KHDC1: variants seen among roughly 807,000 people sequenced by gnomAD.
KHDC1 encodes the protein KH homology domain-containing protein 1.
Under a neutral mutation model 24.7 loss-of-function variants are expected in KHDC1, and 21 were observed. The observed-to-expected ratio is 0.85, with a 90% CI of 0.60 to 1.23. The LOEUF (loss-of-function observed/expected upper bound fraction) is 1.23, where lower values mean the gene tolerates loss of function less well. Among genes scored for constraint, KHDC1 ranks in the 50% most tolerant of loss-of-function variants. KHDC1 has a pLI of 0.00. For missense variants in KHDC1, 274 were observed against 298.5 expected (o/e 0.92, Z 0.61); for synonymous variants, 98 against 111.7 (o/e 0.88, Z 0.77).
intron 2 of KHDC1, among the ~76,000 whole-genome samples, chr6:73,289,631 C>A (rs2150718998): frequency 6.6e-6 from 1 of 151,766 alleles, no homozygotes; most frequent in Middle Eastern, 3.4e-3. Flanking sequence ...GCCTGGGTGA[C>A]AGAGTAAGAC....
rs1473781609 is a variant in KHDC1, at chr6:73,290,642, G to A, written c.206+1356C>T. 1.0e-5 allele frequency: 5 copies of A among 499,248 alleles called. No individual in the cohort carries two copies. The East Asian group carries it at 2.2e-4, about 22-fold the overall frequency. The allele number at this position is 499,248 out of a possible 1,614,324, so 30.9% of individuals were successfully genotyped here. On this transcript the variant is annotated intron_variant, in intron 2 of 4. Transcript: ENST00000370384. The stretch of plus-strand genomic sequence containing the variant: ...AAACCCTGCTGATGTGTCATATCCT[G>A]CAGGAATACTAGCTAGTGGGCTGTG...
intron 2 of KHDC1, among the ~76,000 whole-genome samples, chr6:73,258,706 C>T (rs1766925844): frequency 6.6e-6 from 1 of 152,204 alleles, no homozygotes; most frequent in Non-Finnish European, 1.5e-5. Flanking sequence ...ATTCAAAAAG[C>T]ACTTCTGTGT....
At chr6:73,273,543 G>A (rs559379903) in intron 2 of KHDC1, among the ~76,000 whole-genome samples, 4 of 151,812 alleles carry the variant, frequency 2.6e-5, no homozygotes, top group South Asian at 2.1e-4. Flanking sequence ...CGGGCCGGGC[G>A]CAGTGGCTCA....
chr6:73,249,137 C>T (rs1172235701), intron 2 of KHDC1, among the ~76,000 whole-genome samples: 1 of 151,950 alleles, frequency 6.6e-6, no homozygotes, highest in East Asian at 1.9e-4. Flanking sequence ...TGTGTTAAAG[C>T]TTAAAAAATA....
chr6:73,290,689 G>T, intron 2 of KHDC1: 1 of 454,062 alleles, frequency 2.2e-6, no homozygotes, highest in South Asian at 1.7e-5. Flanking sequence ...TGCTGCTGCT[G>T]GAGCCACATG....
At chr6:73,274,185 C>T (rs1767236033) in intron 2 of KHDC1, 1 of 152,146 alleles carries the variant, frequency 6.6e-6, no homozygotes, top group Admixed American at 6.6e-5. Flanking sequence ...ATTAACATAA[C>T]ATTACATTTT....
intron 2 of KHDC1, among the ~76,000 whole-genome samples, chr6:73,245,601 A>G (rs1766650945): frequency 6.6e-6 from 1 of 152,234 alleles, no homozygotes; most frequent in Admixed American, 6.5e-5. Context: ...ATGGAAGTTC[A>G]AGTCTTGGAG....
intron 2 of KHDC1, among the ~76,000 whole-genome samples, chr6:73,286,282 A>T (rs1190632680): frequency 1.3e-5 from 2 of 152,170 alleles, no homozygotes; most frequent in African/African-American, 4.8e-5. Flanking sequence ...GTCTCTATAT[A>T]GTTTACATAA....
rs762613619 is a variant in KHDC1 at position 73,241,717 on chromosome 6, G to T, written c.526C>A (p.Leu176Met). Residue 176 changes from leucine to methionine, a missense_variant, in exon 5 of 5, where the codon CTG (leucine) becomes ATG (methionine). By Grantham distance (15) the Leu-to-Met change is conservative. Transcript: ENST00000370384. ...AGAGGCTGGCTTCGGACACGTTCCA[G>T]CATCTCCAGGCCTGCAAAATAAGTG... The T allele has an allele frequency of 5.6e-6, 9 of 1,614,016 alleles. No homozygotes were observed. Among genetic ancestry groups the T allele is most frequent in the Admixed American group, 1.7e-5 (1 of 60,004 alleles).
chr6:73,248,512 T>C lies in KHDC1; in HGVS notation c.207-5982A>G, dbSNP rs142930503. Among the ~76,000 whole-genome samples the C allele has an allele frequency of 2.4e-4, 37 of 152,152 alleles. 1 individual carries two copies. In the East Asian group the frequency reaches 7.0e-3, roughly 29 times the overall value. On this transcript the variant is annotated intron_variant, in intron 2 of 4. Coordinates refer to ENST00000370384, the Ensembl canonical transcript of KHDC1. ...CTTTTCTCAGAGGAAAGACTTAGGGTGAAGTAAACAGAAAGATTTCTTTTT... is the reference window on the plus strand; with the variant it reads ...CTTTTCTCAGAGGAAAGACTTAGGGCGAAGTAAACAGAAAGATTTCTTTTT...
At chr6:73,264,058 G>A (rs1042585502) in intron 2 of KHDC1, among the ~76,000 whole-genome samples, 1 of 152,078 alleles carries the variant, frequency 6.6e-6, no homozygotes, top group African/African-American at 2.4e-5. Context: ...AATCAGCTGG[G>A]CATGGTGGTG....
At chr6:73,301,020 T>C (rs1767865601) in intron 1 of KHDC1, 2 of 151,948 alleles carry the variant, frequency 1.3e-5, no homozygotes, top group African/African-American at 4.8e-5. Context: ...ATCGAGACCA[T>C]CCTGGCTAAC....
chr6:73,269,744 A>G (rs1179772543), intron 2 of KHDC1: 2 of 151,786 alleles, frequency 1.3e-5, no homozygotes, highest in Non-Finnish European at 2.9e-5. Context: ...TATTTTACCT[A>G]TTTAAGTCTA....
intron 2 of KHDC1, among the ~76,000 whole-genome samples, chr6:73,249,745 TTTA>T (rs1306389933): frequency 1.3e-5 from 2 of 151,868 alleles, no homozygotes; most frequent in African/African-American, 2.4e-5. Flanking sequence ...TATTTTTGTT[TTTA>T]TTATTTTGTT....
intron 2 of KHDC1, among the ~76,000 whole-genome samples, chr6:73,248,308 C>T (rs1382919143): frequency 2.6e-5 from 4 of 152,088 alleles, no homozygotes; most frequent in East Asian, 3.9e-4. Flanking sequence ...GCTCCCTCTT[C>T]CCTTCCCCTC....
intron 2 of KHDC1, among the ~76,000 whole-genome samples, chr6:73,246,809 G>T (rs1766675246): frequency 6.6e-6 from 1 of 151,934 alleles, no homozygotes; most frequent in Non-Finnish European, 1.5e-5. Flanking sequence ...CTCAAAATTT[G>T]CAGAACATCA....
At chr6:73,295,971 A>G (rs1439365081) in intron 1 of KHDC1, among the ~76,000 whole-genome samples, 9 of 151,002 alleles carry the variant, frequency 6.0e-5, no homozygotes, top group African/African-American at 1.7e-4. Flanking sequence ...GTGAAACCCC[A>G]TCTCTACTAA....
intron 2 of KHDC1, among the ~76,000 whole-genome samples, chr6:73,262,066 A>C (rs1766990752): frequency 1.3e-5 from 2 of 151,934 alleles, no homozygotes; most frequent in Non-Finnish European, 2.9e-5. Flanking sequence ...GCAGCAGGAA[A>C]GAGGCCCTTC....
At position 73,309,749 on chromosome 6, in the gene KHDC1, T is replaced by A. The variant is rs1195800531; in HGVS notation, c.-35A>T. On this transcript the variant is annotated 5_prime_UTR_variant, in exon 1 of 5. Transcript: ENST00000370384. ...CTGGCCTGGGAAAGTAAGGGTGCGC[T>A]AAGGCACGAGTAGTACAGCTCCTCC... 2.6e-6 allele frequency: 4 copies of A among 1,548,198 alleles called. No homozygotes were observed. The African/African-American group carries it at 4.1e-5, about 16-fold the overall frequency.
Sources: gnomAD v4.1 joint callset for allele counts (sites outside exome capture counted in the v4.1 genomes callset) on GRCh38, gnomAD v4.1.1 for gene constraint, MANE v1.5 for transcripts, NCBI Gene and HGNC (gene_info 2026-07-23, HGNC 2026-07-21) for gene names.